Variants in MAP2K6 observed in about 807,000 individuals in gnomAD.
MAP2K6 encodes the protein dual specificity mitogen-activated protein kinase kinase 6.
In MAP2K6, 16 loss-of-function variants were observed where a neutral mutation model predicts 53.7. The observed-to-expected ratio is 0.30, with a 90% confidence interval of 0.20 to 0.45. MAP2K6 has a LOEUF of 0.45. Among genes scored for constraint, MAP2K6 ranks in the 20% least tolerant of loss-of-function variants. The probability of loss-of-function intolerance (pLI) is 1.00; values close to 1 mark genes in which losing one functional copy is unlikely to be tolerated. For missense variants in MAP2K6, 204 were observed against 411.9 expected (o/e 0.50, Z 4.37); for synonymous variants, 132 against 143.1 (o/e 0.92, Z 0.55).
At chr17:69,534,561 T>C (rs1244507651) in intron 10 of MAP2K6, among the ~76,000 whole-genome samples, 1 of 129,874 alleles carries the variant, frequency 7.7e-6, no homozygotes, top group Non-Finnish European at 1.7e-5. Flanking sequence ...TTTCTCTCTC[T>C]CTTTTTTTTT....
intron 1 of MAP2K6, among the ~76,000 whole-genome samples, chr17:69,439,562 A>G (rs939076449): frequency 1.3e-5 from 2 of 152,168 alleles, no homozygotes; most frequent in African/African-American, 2.4e-5. Flanking sequence ...TTGCTTTTCT[A>G]GGTTGTGTCA....
At chr17:69,516,166 AC>A (rs1910129721) in intron 2 of MAP2K6, among the ~76,000 whole-genome samples, 1 of 152,024 alleles carries the variant, frequency 6.6e-6, no homozygotes, top group Non-Finnish European at 1.5e-5. Flanking sequence ...TAATTATACA[AC>A]TCACCATAAT....
chr17:69,467,958 G>A (rs1393233328), intron 1 of MAP2K6, among the ~76,000 whole-genome samples: 1 of 152,128 alleles, frequency 6.6e-6, no homozygotes. Context: ...TAGAGACGAG[G>A]TTTCACCATG....
Position 69,494,424 on chromosome 17 carries a change from GGAGGCA to G in MAP2K6, c.17-11351_17-11346del, listed in dbSNP as rs1253733801. Among the ~76,000 whole-genome samples, 1 of 151,942 alleles carries G rather than the reference GGAGGCA, an allele frequency of 6.6e-6. No individual in the cohort carries two copies. Among genetic ancestry groups the G allele is most frequent in the Non-Finnish European group, 1.5e-5 (1 of 67,988 alleles). On this transcript the variant is annotated intron_variant, in intron 1 of 11. Coordinates refer to ENST00000590474, the MANE Select transcript of MAP2K6 (RefSeq NM_002758.4). The surrounding 1 kb of genome is among the most constrained non-coding windows in gnomAD (Gnocchi z 4.2). Reference sequence around the variant, plus strand: ...GGGGCATGAAAATCGCTTGTACCCAGGAGGCAGAGGTTGCTGTGAGCCAAGGTCGTG... The same window carrying G: ...GGGGCATGAAAATCGCTTGTACCCAGGAGGTTGCTGTGAGCCAAGGTCGTG...
At chr17:69,525,572 C>T (rs932708803) in intron 9 of MAP2K6, among the ~76,000 whole-genome samples, 11 of 152,204 alleles carry the variant, frequency 7.2e-5, no homozygotes, top group African/African-American at 2.4e-4. Flanking sequence ...ACGATCATGG[C>T]GGAAGGTGAA....
chr17:69,519,570 A>G (rs1910358775), intron 5 of MAP2K6, 138 bp downstream of exon 5: 3 of 958,400 alleles, frequency 3.1e-6, no homozygotes, highest in Non-Finnish European at 3.1e-6. Context: ...CGTGTGTGCA[A>G]TGATGACATG....
chr17:69,484,405 T>G (rs1158251137), intron 1 of MAP2K6, among the ~76,000 whole-genome samples: 1 of 151,874 alleles, frequency 6.6e-6, no homozygotes, highest in African/African-American at 2.4e-5. Context: ...AGGATGACAA[T>G]TGTAACAAAA....
At chr17:69,540,752 C>G (rs934727951) in intron 11 of MAP2K6, among the ~76,000 whole-genome samples, 1 of 152,324 alleles carries the variant, frequency 6.6e-6, no homozygotes, top group African/African-American at 2.4e-5. Flanking sequence ...TCAGTTTTCT[C>G]TGCACATAAC....
At chr17:69,508,040 A>G (rs1909606126) in intron 2 of MAP2K6, among the ~76,000 whole-genome samples, 1 of 39,416 alleles carries the variant, frequency 2.5e-5, no homozygotes, top group African/African-American at 8.4e-5. Flanking sequence ...ATATATATGT[A>G]GTTTTTTTTT....
At position 69,552,744 on chromosome 17, in the gene MAP2K6, C is replaced by T. The variant is rs1290478847; in HGVS notation, c.*10991C>T. The T allele has an allele frequency of 6.6e-6, 1 of 152,088 alleles. No homozygotes were observed. Among genetic ancestry groups the T allele is most frequent in the Non-Finnish European group, 1.5e-5 (1 of 68,018 alleles). 9.4% of individuals were successfully genotyped at this position (152,088 alleles called of 1,614,324 possible). ...AGGCCTCAGGATTGTATTTAAAATA[C>T]CTGTTTTGTGGGACAGCATGCCTTT... is the stretch of plus-strand genomic sequence containing the variant. On this transcript the variant is annotated 3_prime_UTR_variant, in exon 12 of 12. Coordinates refer to ENST00000590474, the MANE Select transcript of MAP2K6 (RefSeq NM_002758.4).
At chr17:69,521,184 C>A in intron 7 of MAP2K6, 84 bp downstream of exon 7, 5 of 1,220,060 alleles carry the variant, frequency 4.1e-6, no homozygotes, top group Non-Finnish European at 5.9e-6. Flanking sequence ...CCCAGTCCCC[C>A]ATGGGTGGAA....
Position 69,545,285 on chromosome 17 carries a change from T to C in MAP2K6, c.*3532T>C, listed in dbSNP as rs1178746256. On this transcript the variant is annotated 3_prime_UTR_variant, in exon 12 of 12. Coordinates refer to ENST00000590474, the MANE Select transcript of MAP2K6 (RefSeq NM_002758.4). ...CCCCATAAAGGTATATGTTTGTTGA[T>C]AAAATATCAGGTCATCACGGATTTT... The C allele has an allele frequency of 1.3e-5, 2 of 152,212 alleles. No individual in the cohort carries two copies. The highest frequency in any genetic ancestry group is 4.8e-5 in the African/African-American group (2 of 41,452). The allele number at this position is 152,212 out of a possible 1,614,324, so 9.4% of individuals were successfully genotyped here. A position where few individuals can be genotyped will look rare whatever the true frequency, so the allele number is the denominator to read the frequency against.
intron 1 of MAP2K6, chr17:69,434,952 G>T (rs1906589889): frequency 6.6e-6 from 1 of 152,164 alleles, no homozygotes; most frequent in Non-Finnish European, 1.5e-5. Flanking sequence ...TGAATACAGA[G>T]ATAGGGTACA....
intron 1 of MAP2K6, among the ~76,000 whole-genome samples, chr17:69,469,750 G>A (rs941494471): frequency 5.9e-5 from 9 of 152,332 alleles, no homozygotes; most frequent in South Asian, 2.1e-4. Context: ...GGGCAATGGA[G>A]TGAGACTCCA....
At chr17:69,459,709 CAAAAAAAA>C (rs71144694) in intron 1 of MAP2K6, among the ~76,000 whole-genome samples, 2 of 55,928 alleles carry the variant, frequency 3.6e-5, no homozygotes, top group African/African-American at 8.2e-5. Context: ...GACTCTGTCT[CAAAAAAAA>C]AAAAAAAAAA....
At chr17:69,512,172 T>C (rs775090162) in intron 2 of MAP2K6, among the ~76,000 whole-genome samples, 1 of 151,766 alleles carries the variant, frequency 6.6e-6, no homozygotes, top group Admixed American at 6.6e-5. Flanking sequence ...TCTCTGACTC[T>C]CAATTATGTA....
At chr17:69,475,786 G>T (rs1167002604) in intron 1 of MAP2K6, among the ~76,000 whole-genome samples, 1 of 152,168 alleles carries the variant, frequency 6.6e-6, no homozygotes, top group East Asian at 1.9e-4. Flanking sequence ...GGTCCCAGGG[G>T]TGGTGGGGAT....
chr17:69,534,314 C>T (rs967794325), intron 10 of MAP2K6, among the ~76,000 whole-genome samples: 6 of 152,116 alleles, frequency 3.9e-5, no homozygotes, highest in African/African-American at 1.2e-4. Context: ...CAGACTTTGC[C>T]GCCTGTTAAT....
chr17:69,461,955 G>A (rs1222686163), intron 1 of MAP2K6, among the ~76,000 whole-genome samples: 3 of 152,190 alleles, frequency 2.0e-5, no homozygotes, highest in Non-Finnish European at 4.4e-5. Flanking sequence ...CAGAAAACAC[G>A]ATGTCAGGTT....
Sources: allele counts gnomAD v4.1 joint callset (sites outside exome capture counted in the v4.1 genomes callset), GRCh38; gene constraint gnomAD v4.1.1; non-coding constraint Gnocchi (gnomAD v3.1); transcripts MANE v1.5; gene names NCBI Gene and HGNC (gene_info 2026-07-23, HGNC 2026-07-21).